Variants in RUNX2 observed in about 807,000 individuals in gnomAD.
RUNX2 encodes the protein RUNX family transcription factor 2, also known as runt-related transcription factor 2.
RUNX2 carries 10 observed loss-of-function variants against 51.7 expected under a neutral mutation model. The ratio of observed to expected loss-of-function variants is 0.19; its 90% CI spans 0.12 to 0.33. The LOEUF (loss-of-function observed/expected upper bound fraction) is 0.33. RUNX2 is among the 10% of genes least tolerant of loss of function. The pLI is 1.00. For synonymous variants in RUNX2, 276 were observed against 273.6 expected (o/e 1.01, Z -0.09); for missense variants, 562 against 691.3 (o/e 0.81, Z 2.10).
chr6:45,405,359 T>G (rs544702588), intron 2 of RUNX2, among the ~76,000 whole-genome samples: 234 of 152,376 alleles, frequency 1.5e-3, no homozygotes, highest in Middle Eastern at 3.4e-3. Context: ...GACAGAGTGC[T>G]TCTTGTATAC....
At chr6:45,535,616 A>AG (rs1802007758) in intron 7 of RUNX2, among the ~76,000 whole-genome samples, 1 of 148,344 alleles carries the variant, frequency 6.7e-6, no homozygotes, top group South Asian at 2.1e-4. Flanking sequence ...AAAAAAAAAA[A>AG]GAAAGAAAAA....
intron 5 of RUNX2, among the ~76,000 whole-genome samples, chr6:45,481,584 C>T (rs951711927): frequency 8.5e-5 from 13 of 152,208 alleles, no homozygotes; most frequent in Admixed American, 7.2e-4. Context: ...TCACATGGTC[C>T]AGGATGGTGT....
At chr6:45,411,627 C>A (rs1031759291) in intron 2 of RUNX2, among the ~76,000 whole-genome samples, 1 of 151,818 alleles carries the variant, frequency 6.6e-6, no homozygotes, top group Non-Finnish European at 1.5e-5. Context: ...ATCAGAGAAG[C>A]CTTTGAAAAA....
intron 7 of RUNX2, 67 bp from the exon 8 acceptor site, chr6:45,545,148 CTT>C (rs1203335508): frequency 1.5e-6 from 2 of 1,303,396 alleles, no homozygotes; most frequent in Admixed American, 3.9e-5. Context: ...CTCCTTCTCT[CTT>C]GGAATTCATA....
intron 5 of RUNX2, among the ~76,000 whole-genome samples, chr6:45,481,989 A>C (rs1417890074): frequency 6.6e-6 from 1 of 152,240 alleles, no homozygotes; most frequent in Non-Finnish European, 1.5e-5. Context: ...TGGAAACAAC[A>C]GGCAGACAAA....
chr6:45,412,254 G>T (rs1210804822), intron 2 of RUNX2, among the ~76,000 whole-genome samples: 3 of 151,912 alleles, frequency 2.0e-5, no homozygotes, highest in Non-Finnish European at 4.4e-5. Context: ...TACTCGGGAG[G>T]CTGAGGTAGG....
intron 4 of RUNX2, 83 bp downstream of exon 4, chr6:45,432,102 T>A: frequency 1.6e-6 from 2 of 1,264,512 alleles, no homozygotes; most frequent in South Asian, 1.3e-5. Flanking sequence ...TGTATACAAA[T>A]CAGCACCTTC....
chr6:45,383,828 T>G (rs1797292255), intron 2 of RUNX2, among the ~76,000 whole-genome samples: 1 of 152,238 alleles, frequency 6.6e-6, no homozygotes, highest in Non-Finnish European at 1.5e-5. Flanking sequence ...AACTACAGTG[T>G]GGCTAAGGCA....
chr6:45,445,182 A>G (rs868673530), intron 5 of RUNX2, among the ~76,000 whole-genome samples: 3 of 151,896 alleles, frequency 2.0e-5, no homozygotes, highest in African/African-American at 7.3e-5. Context: ...GTGCCACCAC[A>G]CCTGGCTAAT....
intron 2 of RUNX2, among the ~76,000 whole-genome samples, chr6:45,330,831 A>G (rs184287788): frequency 1.1e-3 from 162 of 151,978 alleles, no homozygotes; most frequent in Non-Finnish European, 4.6e-4. Context: ...AGAACTTAAC[A>G]TCAACCCACT....
Position 45,422,490 on chromosome 6 carries a change from G to A in RUNX2, c.59-103G>A, listed in dbSNP as rs539269579. 40 of 642,502 alleles carry A rather than the reference G, an allele frequency of 6.2e-5. 2 individuals carry two copies. The South Asian group carries it at 1.3e-3, about 21-fold the overall frequency. 39.8% of individuals were successfully genotyped at this position (642,502 alleles called of 1,614,324 possible). ...CCTCCATCCTCTTTCCCCCCGTCTC[G>A]CCTTCACCCCCCCAATTTCCTCCTT... On this transcript the variant is annotated intron_variant, in intron 2 of 8. Transcript: ENST00000647337.
chr6:45,377,743 C>T (rs73444688), intron 2 of RUNX2: 26,029 of 152,298 alleles, frequency 0.17, 3,333 homozygotes, highest in African/African-American at 0.36. Flanking sequence ...CGAATCCCCG[C>T]ACCGCCCCCC....
At chr6:45,437,873 A>T in intron 4 of RUNX2, 74 bp from the exon 5 acceptor site, 1 of 1,102,454 alleles carries the variant, frequency 9.1e-7, no homozygotes, top group East Asian at 2.4e-5. Flanking sequence ...GCAATTTGGA[A>T]ATCTATGCTG....
chr6:45,545,300 T>TGCTGGGCTGGGCAGG lies in RUNX2; in HGVS notation c.1087+31_1087+45dup. 1 of 1,523,560 alleles carries TGCTGGGCTGGGCAGG rather than the reference T, an allele frequency of 6.6e-7. No homozygotes were observed. Among genetic ancestry groups the TGCTGGGCTGGGCAGG allele is most frequent in the Non-Finnish European group, 8.9e-7 (1 of 1,129,418 alleles). The allele number at this position is 1,523,560 out of a possible 1,614,324, so 94.4% of individuals were successfully genotyped here. On this transcript the variant is annotated intron_variant, in intron 8 of 8. Transcript: ENST00000647337. ...CCAGGCAGGTGAGACTTTTAACAAT[T>TGCTGGGCTGGGCAGG]GCTGGGCTGGGCAGGGCTGGGCTGG...
In RUNX2 at chr6:45,492,041, G is replaced by T. The variant is rs1016934482; in HGVS notation, c.786G>T (p.Pro262=). ...ATCCCAGTATGAGAGTAGGTGTCCC[G>T]CCTCAGAACCCACGGCCCTCCCTGA... ...IPHPSMRVGV[P]PQNPRPSLNS... is the part of the protein sequence containing the mutation. The change falls in exon 6 of 9, where the codon CCG becomes CCT. Residue 262 remains proline (P), a synonymous_variant. Coordinates refer to ENST00000647337, the MANE Select transcript of RUNX2 (RefSeq NM_001024630.4). The T allele has an allele frequency of 6.2e-7, 1 of 1,613,810 alleles. No individual in the cohort carries two copies. Among genetic ancestry groups the T allele is most frequent in the South Asian group, 1.1e-5 (1 of 91,072 alleles).
At chr6:45,507,380 C>G (rs1318988436) in intron 6 of RUNX2, among the ~76,000 whole-genome samples, 1 of 152,154 alleles carries the variant, frequency 6.6e-6, no homozygotes, top group East Asian at 1.9e-4. Context: ...CATCTATCAC[C>G]TGTTCTGACT....
At chr6:45,518,500 T>G (rs755709285) in intron 7 of RUNX2, among the ~76,000 whole-genome samples, 1 of 152,168 alleles carries the variant, frequency 6.6e-6, no homozygotes, top group Admixed American at 6.5e-5. Context: ...TGGTTTTCAT[T>G]CCTACTAGAT....
chr6:45,424,393 G>C (rs1258207072), intron 3 of RUNX2, among the ~76,000 whole-genome samples: 3 of 152,222 alleles, frequency 2.0e-5, no homozygotes, highest in African/African-American at 7.2e-5. Context: ...AGACGCCAGG[G>C]ATGCAGGGGT....
intron 5 of RUNX2, among the ~76,000 whole-genome samples, chr6:45,439,668 C>T (rs562069540): frequency 1.4e-3 from 209 of 149,490 alleles, no homozygotes; most frequent in African/African-American, 4.9e-3. Flanking sequence ...TGTTTGTGTG[C>T]GTGTGTGTGT....
Sources: allele counts gnomAD v4.1 joint callset (sites outside exome capture counted in the v4.1 genomes callset), GRCh38; gene constraint gnomAD v4.1.1; transcripts MANE v1.5; gene names NCBI Gene and HGNC (gene_info 2026-07-23, HGNC 2026-07-21).